FAM110B: variants seen among roughly 807,000 people sequenced by gnomAD.
FAM110B encodes the protein family with sequence similarity 110 member B, also known as protein FAM110B.
FAM110B carries 6 observed loss-of-function variants against 20.4 expected under a neutral mutation model. The ratio of observed to expected loss-of-function variants is 0.29; its 90% CI spans 0.16 to 0.58. The LOEUF (loss-of-function observed/expected upper bound fraction) is 0.58. Ranked by LOEUF, FAM110B falls within the 20% of genes least tolerant of loss-of-function variation. The pLI is 0.90. For synonymous variants in FAM110B, 226 were observed against 214.1 expected (o/e 1.06, Z -0.49); for missense variants, 434 against 498.2 (o/e 0.87, Z 1.23).
intron 3 of FAM110B, among the ~76,000 whole-genome samples, chr8:58,099,512 T>A (rs1458678766): frequency 6.6e-6 from 1 of 152,226 alleles, no homozygotes; most frequent in Admixed American, 6.5e-5. Flanking sequence ...TTTCAGTATA[T>A]AAATAAATTT....
At chr8:58,000,366 A>G (rs543834565) in intron 1 of FAM110B, among the ~76,000 whole-genome samples, 38 of 152,300 alleles carry the variant, frequency 2.5e-4, no homozygotes, top group Non-Finnish European at 4.0e-4. Context: ...ATGATATCAC[A>G]TCTCATTGTA....
chr8:58,018,847 T>C (rs747003665), intron 1 of FAM110B, among the ~76,000 whole-genome samples: 2 of 152,018 alleles, frequency 1.3e-5, no homozygotes. Flanking sequence ...GATAGATAGA[T>C]AGATAGATAG....
At position 58,109,336 on chromosome 8, in the gene FAM110B, T is replaced by A. The variant is rs571104448; in HGVS notation, c.-325+33713T>A. Reference sequence around the variant, plus strand: ...AAAGATGAAAAACCAATTTTACAAATTTAACATAATATTTACAGGAATAAA... The same window carrying A: ...AAAGATGAAAAACCAATTTTACAAAATTAACATAATATTTACAGGAATAAA... On this transcript the variant is annotated intron_variant, in intron 3 of 3. Transcript: ENST00000519262. Among the ~76,000 whole-genome samples, 3 of 152,142 alleles carry A rather than the reference T, an allele frequency of 2.0e-5. No individual in the cohort carries two copies. The East Asian group carries it at 5.8e-4, about 29-fold the overall frequency.
chr8:58,059,925 AG>A (rs1157090555), intron 2 of FAM110B, among the ~76,000 whole-genome samples: 1 of 152,088 alleles, frequency 6.6e-6, no homozygotes, highest in African/African-American at 2.4e-5. Context: ...GTGTGAGGTA[AG>A]GGTCAGCGTT....
At chr8:58,035,361 G>T (rs1339510896) in intron 2 of FAM110B, among the ~76,000 whole-genome samples, 1 of 152,128 alleles carries the variant, frequency 6.6e-6, no homozygotes, top group Admixed American at 6.5e-5. Flanking sequence ...ACAAACTTTG[G>T]CATTCATTTT....
intron 3 of FAM110B, among the ~76,000 whole-genome samples, chr8:58,076,560 C>A (rs1040921161): frequency 5.3e-5 from 8 of 152,160 alleles, no homozygotes; most frequent in Non-Finnish European, 1.0e-4. Flanking sequence ...TTTTCCAGGT[C>A]TCTTCCTACA....
intron 3 of FAM110B, among the ~76,000 whole-genome samples, chr8:58,117,735 G>A (rs948221850): frequency 4.6e-5 from 7 of 152,076 alleles, no homozygotes; most frequent in African/African-American, 1.7e-4. Context: ...TAGTAAGCAC[G>A]GTCTGAGTGC....
intron 1 of FAM110B, among the ~76,000 whole-genome samples, chr8:58,000,655 C>T (rs1438858981): frequency 2.0e-5 from 3 of 152,132 alleles, no homozygotes; most frequent in Non-Finnish European, 2.9e-5. Context: ...CTGGCTACCA[C>T]GGGGGCCACC....
chr8:58,028,222 G>A (rs1173125915), intron 1 of FAM110B, among the ~76,000 whole-genome samples: 1 of 152,170 alleles, frequency 6.6e-6, no homozygotes, highest in Non-Finnish European at 1.5e-5. Flanking sequence ...TGCTGCGTCA[G>A]CCTCCCAAGT....
chr8:58,138,705 C>G (rs1803677793), intron 3 of FAM110B, among the ~76,000 whole-genome samples: 1 of 152,228 alleles, frequency 6.6e-6, no homozygotes. Flanking sequence ...AAACTGTACC[C>G]AGTCCACTCC....
intron 2 of FAM110B, among the ~76,000 whole-genome samples, chr8:58,038,105 G>C (rs1805126246): frequency 6.6e-6 from 1 of 152,164 alleles, no homozygotes; most frequent in Non-Finnish European, 1.5e-5. Flanking sequence ...CGACTGGGAG[G>C]ATACTTGCAC....
rs1803855271 is a variant in FAM110B at position 58,146,059 on chromosome 8, C to T, written c.-172C>T. On this transcript the variant is annotated 5_prime_UTR_variant, in exon 4 of 4. Transcript: ENST00000519262. Reference sequence around the variant, plus strand: ...AGGGGAGAAAAGTGTATGAAAGCCACCGTGGCGGTTAATGAGCTGTGAGAT... The same window carrying T: ...AGGGGAGAAAAGTGTATGAAAGCCATCGTGGCGGTTAATGAGCTGTGAGAT... 6 of 699,830 alleles carry T rather than the reference C, an allele frequency of 8.6e-6. No homozygotes were observed. Among genetic ancestry groups the T allele is most frequent in the Non-Finnish European group, 1.4e-5 (6 of 434,132 alleles). 43.4% of individuals were successfully genotyped at this position (699,830 alleles called of 1,614,324 possible).
intron 2 of FAM110B, among the ~76,000 whole-genome samples, chr8:58,059,324 G>A (rs1462769357): frequency 6.6e-6 from 1 of 152,220 alleles, no homozygotes; most frequent in Non-Finnish European, 1.5e-5. Context: ...CTAGGTCATA[G>A]TGTAAGGGTT....
At chr8:58,124,359 G>C (rs7010734) in intron 3 of FAM110B, among the ~76,000 whole-genome samples, 39,039 of 152,136 alleles carry the variant, frequency 0.26, 5,792 homozygotes, top group African/African-American at 0.4. Flanking sequence ...AAGAGGAGTT[G>C]TAGTGGATCA....
intron 3 of FAM110B, among the ~76,000 whole-genome samples, chr8:58,086,597 G>A (rs920508459): frequency 4.6e-5 from 7 of 152,108 alleles, no homozygotes; most frequent in African/African-American, 7.2e-5. Flanking sequence ...GGCACTTAAC[G>A]TTACGCATAA....
chr8:58,130,314 T>G (rs190350036), intron 3 of FAM110B, among the ~76,000 whole-genome samples: 13 of 152,324 alleles, frequency 8.5e-5, no homozygotes, highest in African/African-American at 3.1e-4. Context: ...GTAGCTAACA[T>G]ATATTGCCGC....
intron 3 of FAM110B, among the ~76,000 whole-genome samples, chr8:58,116,536 CAGAT>C (rs1164938971): frequency 6.6e-6 from 1 of 152,170 alleles, no homozygotes; most frequent in African/African-American, 2.4e-5. Context: ...TCTTATTTGA[CAGAT>C]AGAACAATGC....
At chr8:58,129,566 G>A (rs1055989650) in intron 3 of FAM110B, among the ~76,000 whole-genome samples, 7 of 152,198 alleles carry the variant, frequency 4.6e-5, no homozygotes, top group Non-Finnish European at 5.9e-5. Flanking sequence ...AAAGGAAGGC[G>A]CTGCTGGAGG....
intron 3 of FAM110B, among the ~76,000 whole-genome samples, chr8:58,117,646 A>G (rs776959697): frequency 3.3e-5 from 5 of 152,244 alleles, no homozygotes; most frequent in Middle Eastern, 3.4e-3. Flanking sequence ...AAGGGTAGTA[A>G]TAGCCCCTGC....
Sources: gnomAD v4.1 joint callset for allele counts (sites outside exome capture counted in the v4.1 genomes callset) on GRCh38, gnomAD v4.1.1 for gene constraint, MANE v1.5 for transcripts, NCBI Gene and HGNC (gene_info 2026-07-23, HGNC 2026-07-21) for gene names.